Variants in ZNF521 observed in about 807,000 individuals in gnomAD.
The protein encoded by ZNF521 is zinc finger protein 521.
Under a neutral mutation model 105.5 loss-of-function variants are expected in ZNF521, and 14 were observed. The observed-to-expected ratio is 0.13, with a 90% CI of 0.09 to 0.21. The LOEUF (loss-of-function observed/expected upper bound fraction) is 0.21, where lower values mean the gene tolerates loss of function less well. Among genes scored for constraint, ZNF521 ranks in the 10% least tolerant of loss-of-function variants. The pLI is 1.00. For missense variants in ZNF521, 1,233 were observed against 1,629.7 expected, an observed-to-expected ratio of 0.76 and a Z score of 4.19; for synonymous variants, 635 against 606.0, an observed-to-expected ratio of 1.05 and a Z score of -0.70.
chr18:25,338,473 C>T (rs990432730), intron 2 of ZNF521, among the ~76,000 whole-genome samples: 8 of 151,696 alleles, frequency 5.3e-5, no homozygotes, highest in Non-Finnish European at 7.4e-5. Context: ...AGTGCAGTGG[C>T]GTGATCTCGA....
chr18:25,135,673 C>G (rs1215907318), intron 5 of ZNF521, among the ~76,000 whole-genome samples: 50 of 152,144 alleles, frequency 3.3e-4, no homozygotes, highest in Non-Finnish European at 7.4e-5. Context: ...TTGGGGGACT[C>G]CTTGTTGATG....
intron 2 of ZNF521, among the ~76,000 whole-genome samples, chr18:25,333,439 A>G (rs1425244809): frequency 2.0e-5 from 3 of 152,036 alleles, no homozygotes; most frequent in Non-Finnish European, 4.4e-5. Context: ...AATAAGGAAA[A>G]TAATCTGGTC....
chr18:25,135,279 C>CATGTGT (rs1555637980), intron 5 of ZNF521, among the ~76,000 whole-genome samples: 1 of 146,114 alleles, frequency 6.8e-6, no homozygotes, highest in African/African-American at 2.5e-5. Flanking sequence ...TATATGTATA[C>CATGTGT]GTGTGTGTGT....
chr18:25,252,893 T>C (rs149869049), intron 3 of ZNF521, among the ~76,000 whole-genome samples: 170 of 152,272 alleles, frequency 1.1e-3, no homozygotes, highest in African/African-American at 3.1e-3. Flanking sequence ...TTTCAAAATA[T>C]GTTGCAGGGA....
At chr18:25,200,149 A>G (rs1675663351) in intron 4 of ZNF521, among the ~76,000 whole-genome samples, 1 of 152,142 alleles carries the variant, frequency 6.6e-6, no homozygotes, top group South Asian at 2.1e-4. Flanking sequence ...ATTTGCAGGT[A>G]AATTTACAAT....
intron 5 of ZNF521, among the ~76,000 whole-genome samples, chr18:25,158,557 C>T (rs72891953): frequency 0.022 from 3,281 of 152,110 alleles, 53 homozygotes; most frequent in South Asian, 0.059. Flanking sequence ...CACTATTATC[C>T]ATGAAACCAC....
intron 7 of ZNF521, among the ~76,000 whole-genome samples, chr18:25,081,695 T>C (rs1469243225): frequency 6.6e-6 from 1 of 152,204 alleles, no homozygotes; most frequent in African/African-American, 2.4e-5. Context: ...CATGCTTATC[T>C]TTCTGTATGC....
At chr18:25,246,889 T>TA in intron 3 of ZNF521, among the ~76,000 whole-genome samples, 1 of 152,304 alleles carries the variant, frequency 6.6e-6, no homozygotes, top group African/African-American at 2.4e-5. Flanking sequence ...AGGGGTTCCA[T>TA]AGTGCTTCTC....
chr18:25,156,268 G>A (rs553389332), intron 5 of ZNF521, among the ~76,000 whole-genome samples: 1 of 152,252 alleles, frequency 6.6e-6, no homozygotes, highest in South Asian at 2.1e-4. Context: ...CTTGTTTAAT[G>A]CCACTCAATT....
At chr18:25,074,092 G>C (rs1012514552) in intron 7 of ZNF521, among the ~76,000 whole-genome samples, 1 of 152,164 alleles carries the variant, frequency 6.6e-6, no homozygotes, top group Non-Finnish European at 1.5e-5. Context: ...GTGTGCACGC[G>C]CACGGGAATA....
chr18:25,089,015 T>C (rs1361951539), intron 7 of ZNF521, among the ~76,000 whole-genome samples: 1 of 152,208 alleles, frequency 6.6e-6, no homozygotes, highest in Non-Finnish European at 1.5e-5. Flanking sequence ...ATGGAAGATA[T>C]ACATACTGGA....
intron 3 of ZNF521, among the ~76,000 whole-genome samples, chr18:25,245,035 G>A (rs1907608599): frequency 6.6e-6 from 1 of 152,192 alleles, no homozygotes; most frequent in Non-Finnish European, 1.5e-5. Context: ...GGAACTGCCT[G>A]CATTTTAACT....
intron 7 of ZNF521, among the ~76,000 whole-genome samples, chr18:25,076,907 G>T (rs1309375853): frequency 6.6e-6 from 1 of 152,250 alleles, no homozygotes; most frequent in Admixed American, 6.5e-5. Context: ...ATAATCCCTT[G>T]TTCTGTTCCA....
intron 3 of ZNF521, among the ~76,000 whole-genome samples, chr18:25,308,580 T>C (rs914632406): frequency 3.3e-5 from 5 of 151,690 alleles, no homozygotes; most frequent in South Asian, 4.2e-4. Flanking sequence ...TGGCTAACTC[T>C]TGCTCATCAC....
chr18:25,252,082 T>C (rs557045410), intron 3 of ZNF521, among the ~76,000 whole-genome samples: 1 of 152,278 alleles, frequency 6.6e-6, no homozygotes, highest in African/African-American at 2.4e-5. Flanking sequence ...TAAAAGCACA[T>C]ATTATAGCAA....
intron 4 of ZNF521, among the ~76,000 whole-genome samples, chr18:25,206,568 T>G (rs1368435235): frequency 6.6e-6 from 1 of 152,204 alleles, no homozygotes; most frequent in African/African-American, 2.4e-5. Flanking sequence ...TGTCTTATAC[T>G]AGATCATTTC....
At chr18:25,349,572 A>T (rs1398066514) in intron 2 of ZNF521, among the ~76,000 whole-genome samples, 1 of 152,080 alleles carries the variant, frequency 6.6e-6, no homozygotes, top group Non-Finnish European at 1.5e-5. Context: ...GGCTCCGTTC[A>T]TCGAGTTCAA....
At chr18:25,075,862 C>T (rs976018353) in intron 7 of ZNF521, among the ~76,000 whole-genome samples, 2 of 152,170 alleles carry the variant, frequency 1.3e-5, no homozygotes, top group East Asian at 3.9e-4. Flanking sequence ...GTCCTAGAAA[C>T]GCTACAGAAA....
At chr18:25,070,994 G>A (rs913491977) in intron 7 of ZNF521, among the ~76,000 whole-genome samples, 4 of 152,138 alleles carry the variant, frequency 2.6e-5, no homozygotes, top group African/African-American at 9.7e-5. Context: ...TCTTGTTATT[G>A]ACAGGTTTAA....
Sources: allele counts gnomAD v4.1 joint callset (sites outside exome capture counted in the v4.1 genomes callset), GRCh38; gene constraint gnomAD v4.1.1; transcripts MANE v1.5; gene names NCBI Gene and HGNC (gene_info 2026-07-23, HGNC 2026-07-21).